ARHGAP10: variants seen among roughly 807,000 people sequenced by gnomAD.
The protein encoded by ARHGAP10 is rho GTPase-activating protein 10.
A neutral mutation model predicts 108.6 loss-of-function variants in ARHGAP10; 87 were observed. The observed-to-expected ratio is 0.80, with a 90% CI of 0.67 to 0.96. ARHGAP10 has a LOEUF of 0.96. Among genes scored for constraint, ARHGAP10 ranks in the 40% least tolerant of loss-of-function variants. The pLI is 0.00. For synonymous variants in ARHGAP10, 347 were observed against 341.1 expected, an observed-to-expected ratio of 1.02 and a Z score of -0.19; for missense variants, 939 against 954.5, an observed-to-expected ratio of 0.98 and a Z score of 0.21.
intron 10 of ARHGAP10, among the ~76,000 whole-genome samples, chr4:147,886,561 T>G (rs776756078): frequency 5.3e-5 from 8 of 152,222 alleles, no homozygotes; most frequent in Non-Finnish European, 1.2e-4. Context: ...TAGTCACTCA[T>G]CACAGTCCCT....
chr4:147,736,072 A>G (rs1319464657), intron 1 of ARHGAP10, among the ~76,000 whole-genome samples: 1 of 152,024 alleles, frequency 6.6e-6, no homozygotes, highest in Non-Finnish European at 1.5e-5. Flanking sequence ...GTTATTAAGC[A>G]CTAATACAGT....
Position 147,822,963 on chromosome 4 carries a change from T to C in ARHGAP10, c.312+6T>C, listed in dbSNP as rs753755583. 6 of 1,610,438 alleles carry C rather than the reference T, an allele frequency of 3.7e-6. No individual in the cohort carries two copies. The highest frequency in any genetic ancestry group is 4.2e-6 in the Non-Finnish European group (5 of 1,177,026). Reference sequence around the variant, plus strand: ...AGGAACAGAGAGAAATTATGGTGAGTTGAGAGGGGTGTAAATTAATAAGTC... The same window carrying C: ...AGGAACAGAGAGAAATTATGGTGAGCTGAGAGGGGTGTAAATTAATAAGTC... On this transcript the variant is annotated splice_donor_region_variant and intron_variant, in intron 3 of 22. Coordinates refer to ENST00000336498, the MANE Select transcript of ARHGAP10 (RefSeq NM_024605.4).
chr4:147,800,465 A>G (rs1731536422), intron 1 of ARHGAP10, among the ~76,000 whole-genome samples: 1 of 151,980 alleles, frequency 6.6e-6, no homozygotes, highest in Non-Finnish European at 1.5e-5. Flanking sequence ...GTGGGGCTTT[A>G]GGTTGGTCCT....
rs546365388 is a variant in ARHGAP10, at chr4:148,071,397, C to T, written c.2273-596C>T. Among the ~76,000 whole-genome samples the T allele has an allele frequency of 7.5e-4, 115 of 152,318 alleles. No homozygotes were observed. In the South Asian group the frequency reaches 0.021, roughly 28 times the overall value. On this transcript the variant is annotated intron_variant, in intron 22 of 22. Transcript: ENST00000336498. ...CTGGGGGGCCAAGGCGAGTGGATCA[C>T]CTGAGGTCAGGAGTTTAAGAGCAGG...
chr4:148,048,052 A>C (rs1418576398), intron 20 of ARHGAP10, among the ~76,000 whole-genome samples: 1 of 152,164 alleles, frequency 6.6e-6, no homozygotes, highest in East Asian at 1.9e-4. Context: ...CAGACTCCTG[A>C]CCTCAAGTGA....
At chr4:147,968,831 G>A (rs191330023) in intron 18 of ARHGAP10, among the ~76,000 whole-genome samples, 1 of 152,310 alleles carries the variant, frequency 6.6e-6, no homozygotes, top group East Asian at 1.9e-4. Flanking sequence ...TGCCAGACAT[G>A]TAGTAGGTGC....
intron 1 of ARHGAP10, among the ~76,000 whole-genome samples, chr4:147,812,736 G>C (rs931920725): frequency 2.0e-5 from 3 of 152,294 alleles, no homozygotes; most frequent in Admixed American, 6.5e-5. Context: ...CACCGAGGCA[G>C]CATATTTTGA....
intron 1 of ARHGAP10, among the ~76,000 whole-genome samples, chr4:147,771,242 C>T (rs1308466348): frequency 6.6e-6 from 1 of 152,098 alleles, no homozygotes; most frequent in African/African-American, 2.4e-5. Context: ...GTAAGGAATT[C>T]AACATGAGTA....
intron 14 of ARHGAP10, among the ~76,000 whole-genome samples, chr4:147,944,100 G>A (rs1465548808): frequency 6.6e-6 from 1 of 152,202 alleles, no homozygotes; most frequent in Non-Finnish European, 1.5e-5. Flanking sequence ...TGACTTGTAT[G>A]TTAAAACGAG....
intron 19 of ARHGAP10, among the ~76,000 whole-genome samples, chr4:148,034,039 A>T (rs1163016184): frequency 1.3e-5 from 2 of 152,164 alleles, no homozygotes; most frequent in Non-Finnish European, 2.9e-5. Context: ...ATCTCAGCAA[A>T]TCTCTCTCTA....
Position 147,801,436 on chromosome 4 carries a change from A to G in ARHGAP10, c.155-21291A>G, listed in dbSNP as rs573561753. Among the ~76,000 whole-genome samples, 52 of 152,366 alleles carry G rather than the reference A, an allele frequency of 3.4e-4. 1 individual carries two copies. In the South Asian group the frequency reaches 0.01, roughly 30 times the overall value. On this transcript the variant is annotated intron_variant, in intron 1 of 22. Transcript: ENST00000336498. ...ATAATGTTAACACACAAAATAATTT[A>G]TATATCAAGTGGAAAACCTCTCAGA...
chr4:147,947,600 G>A (rs1259988540), intron 15 of ARHGAP10, among the ~76,000 whole-genome samples: 11 of 151,698 alleles, frequency 7.3e-5, no homozygotes, highest in African/African-American at 1.5e-4. Context: ...GTGGGGTTTC[G>A]CCATGTTGAC....
At chr4:147,889,808 A>G (rs1051167693) in intron 10 of ARHGAP10, among the ~76,000 whole-genome samples, 2 of 152,104 alleles carry the variant, frequency 1.3e-5, no homozygotes, top group Non-Finnish European at 2.9e-5. Context: ...TGTAGATATA[A>G]ATCAAGAGCT....
intron 10 of ARHGAP10, among the ~76,000 whole-genome samples, chr4:147,889,976 A>G (rs775120734): frequency 1.3e-5 from 2 of 152,186 alleles, no homozygotes; most frequent in Non-Finnish European, 2.9e-5. Flanking sequence ...TGCTCTCTCG[A>G]GCATAGTTTA....
chr4:147,939,748 A>T, intron 13 of ARHGAP10, 77 bp from the exon 14 acceptor site: 1 of 1,297,386 alleles, frequency 7.7e-7, no homozygotes. Flanking sequence ...GTTAGCAAAG[A>T]TTTTGAATGC....
At chr4:147,843,517 T>TTTTTTC (rs147858413) in intron 3 of ARHGAP10, among the ~76,000 whole-genome samples, 75 of 152,188 alleles carry the variant, frequency 4.9e-4, no homozygotes, top group East Asian at 1.7e-3. Context: ...TGAACTCCTT[T>TTTTTTC]TTTTTCTTTT....
intron 1 of ARHGAP10, among the ~76,000 whole-genome samples, chr4:147,771,937 G>A (rs749010568): frequency 7.9e-5 from 12 of 152,234 alleles, no homozygotes; most frequent in African/African-American, 2.4e-4. Context: ...GACAACAGGC[G>A]TGCGCCACCA....
chr4:147,893,466 T>C (rs1190974266), intron 10 of ARHGAP10, among the ~76,000 whole-genome samples: 2 of 147,734 alleles, frequency 1.4e-5, no homozygotes, highest in South Asian at 4.2e-4. Context: ...CTATATATAA[T>C]ACTATTCTAT....
At chr4:147,853,356 A>G (rs1471315770) in intron 4 of ARHGAP10, among the ~76,000 whole-genome samples, 1 of 152,256 alleles carries the variant, frequency 6.6e-6, no homozygotes, top group African/African-American at 2.4e-5. Context: ...AGGACCTGCC[A>G]TATTTAAGTT....
Sources: allele counts gnomAD v4.1 joint callset (sites outside exome capture counted in the v4.1 genomes callset), GRCh38; gene constraint gnomAD v4.1.1; transcripts MANE v1.5; gene names NCBI Gene and HGNC (gene_info 2026-07-23, HGNC 2026-07-21).